The following EBF2 variants were observed in gnomAD, a reference collection of about 807,000 sequenced individuals.
The protein encoded by EBF2 is EBF transcription factor 2.
EBF2 carries 21 observed loss-of-function variants against 72.8 expected under a neutral mutation model. The ratio of observed to expected loss-of-function variants is 0.29; its 90% confidence interval spans 0.20 to 0.42. The LOEUF (loss-of-function observed/expected upper bound fraction) is 0.42. Ranked by LOEUF, EBF2 falls within the 10% of genes least tolerant of loss-of-function variation. The pLI is 1.00. For synonymous variants in EBF2, 299 were observed against 274.2 expected, an observed-to-expected ratio of 1.09 and a Z score of -0.89; for missense variants, 637 against 731.2, an observed-to-expected ratio of 0.87 and a Z score of 1.49.
chr8:25,929,011 C>G (rs1431034712), intron 6 of EBF2, among the ~76,000 whole-genome samples: 1 of 152,088 alleles, frequency 6.6e-6, no homozygotes, highest in Admixed American at 6.5e-5. Flanking sequence ...CACTCAATAA[C>G]CAGGAGTTGT....
At chr8:26,004,396 C>T (rs552576716) in intron 6 of EBF2, among the ~76,000 whole-genome samples, 1 of 152,184 alleles carries the variant, frequency 6.6e-6, no homozygotes, top group Admixed American at 6.5e-5. Context: ...CTAAATAAGT[C>T]TGGCACAGTG....
At chr8:25,848,001 T>C (rs1250621797) in intron 15 of EBF2, among the ~76,000 whole-genome samples, 1 of 152,004 alleles carries the variant, frequency 6.6e-6, no homozygotes, top group Non-Finnish European at 1.5e-5. Context: ...AAACCACCTG[T>C]ACCCCCAAAA....
intron 6 of EBF2, among the ~76,000 whole-genome samples, chr8:25,913,197 C>T (rs528925594): frequency 6.6e-6 from 1 of 152,250 alleles, no homozygotes; most frequent in African/African-American, 2.4e-5. Flanking sequence ...AATCCCAGCA[C>T]TTTGGGAGGC....
chr8:25,907,428 A>AT (rs1244956286), intron 7 of EBF2, among the ~76,000 whole-genome samples: 2 of 135,852 alleles, frequency 1.5e-5, no homozygotes, highest in African/African-American at 6.0e-5. Context: ...TCAAAAAAAA[A>AT]AAAAAAAAAA....
chr8:25,984,936 G>GAA (rs35911115), intron 6 of EBF2, among the ~76,000 whole-genome samples: 5 of 144,132 alleles, frequency 3.5e-5, no homozygotes, highest in East Asian at 4.2e-4. Context: ...CTCAGCTTCT[G>GAA]AAAAAAAAAA....
chr8:25,944,972 G>A lies in EBF2; in HGVS notation c.552-36417C>T, dbSNP rs565006689. ...TTGACAAAGTTGTTTAACCCTCTGG[G>A]CTTTAGATTTTTCAAAAGTAAAACA... is the stretch of plus-strand genomic sequence containing the variant. On this transcript the variant is annotated intron_variant, in intron 6 of 15. Coordinates refer to ENST00000520164, the MANE Select transcript of EBF2 (RefSeq NM_022659.4). Among the ~76,000 whole-genome samples, 150 of 152,052 alleles carry A rather than the reference G, an allele frequency of 9.9e-4. 1 individual carries two copies. Among genetic ancestry groups the A allele is most frequent in the African/African-American group, 3.4e-3 (142 of 41,458 alleles).
At chr8:26,009,345 T>C (rs1804940633) in intron 6 of EBF2, among the ~76,000 whole-genome samples, 1 of 152,190 alleles carries the variant, frequency 6.6e-6, no homozygotes, top group Admixed American at 6.5e-5. Flanking sequence ...AGGGAATTCT[T>C]AAAGCAGATC....
chr8:25,896,490 G>GA (rs796874499), intron 7 of EBF2, among the ~76,000 whole-genome samples: 2 of 152,058 alleles, frequency 1.3e-5, no homozygotes, highest in African/African-American at 2.4e-5. Context: ...CCAAGAGTGG[G>GA]AAAAAAAATT....
At chr8:26,011,632 C>T (rs1001388998) in intron 6 of EBF2, among the ~76,000 whole-genome samples, 2 of 152,042 alleles carry the variant, frequency 1.3e-5, no homozygotes, top group African/African-American at 2.4e-5. Flanking sequence ...AGTAAACTGA[C>T]ACATAAGTAA....
chr8:25,859,465 T>C (rs1802169454), intron 13 of EBF2, among the ~76,000 whole-genome samples: 1 of 152,236 alleles, frequency 6.6e-6, no homozygotes, highest in South Asian at 2.1e-4. Flanking sequence ...TAAAATGTGC[T>C]ATTCTCTGAC....
chr8:26,013,120 T>C (rs1316331349), intron 6 of EBF2, among the ~76,000 whole-genome samples: 11 of 152,186 alleles, frequency 7.2e-5, no homozygotes, highest in African/African-American at 2.7e-4. Context: ...GAGGAGTATC[T>C]CACTAAAGGG....
chr8:25,928,474 C>A (rs967189554), intron 6 of EBF2, among the ~76,000 whole-genome samples: 5 of 152,078 alleles, frequency 3.3e-5, no homozygotes, highest in Non-Finnish European at 7.3e-5. Flanking sequence ...CCCACCTCAG[C>A]ACTAGTCCAT....
At position 25,861,183 on chromosome 8, in the gene EBF2, T is replaced by A. The variant is rs778264588; in HGVS notation, c.1208A>T (p.Tyr403Phe). ...KRAADIAEAL[Y>F]SVPRNPSQLP... is the part of the protein sequence containing the mutation. The stretch of plus-strand genomic sequence containing the variant: ...CTGGCTGGGATTCCTGGGGACGCTG[T>A]AGAGAGCTTCAGCAATGTCTGCGGC... Residue 403 changes from tyrosine to phenylalanine, a missense_variant, in exon 13 of 16, where the codon TAC (tyrosine) becomes TTC (phenylalanine). By Grantham distance (22) the Tyr-to-Phe change is conservative. Transcript: ENST00000520164. 6.2e-7 allele frequency: 1 copy of A among 1,613,940 alleles called. No homozygotes were observed. The highest frequency in any genetic ancestry group is 8.5e-7 in the Non-Finnish European group (1 of 1,179,910).
At chr8:25,890,555 T>A (rs1162420278) in intron 7 of EBF2, among the ~76,000 whole-genome samples, 1 of 152,212 alleles carries the variant, frequency 6.6e-6, no homozygotes, top group African/African-American at 2.4e-5. Context: ...CTTGCAACCA[T>A]GATCAAATTA....
intron 6 of EBF2, among the ~76,000 whole-genome samples, chr8:25,917,037 A>C (rs529620819): frequency 2.0e-5 from 3 of 152,132 alleles, no homozygotes; most frequent in African/African-American, 7.2e-5. Flanking sequence ...TCTGAAGGGA[A>C]TGTCTCCCAT....
intron 6 of EBF2, among the ~76,000 whole-genome samples, chr8:25,974,805 C>T (rs2117192724): frequency 6.6e-6 from 1 of 152,042 alleles, no homozygotes; most frequent in East Asian, 1.9e-4. Flanking sequence ...ATTTTTCTGA[C>T]ATCCTGTGCA....
chr8:26,012,467 A>C (rs1563208333), intron 6 of EBF2, among the ~76,000 whole-genome samples: 1 of 152,150 alleles, frequency 6.6e-6, no homozygotes, highest in Non-Finnish European at 1.5e-5. Flanking sequence ...ATACATACTA[A>C]ATTTATTTCT....
chr8:25,902,005 A>T (rs1483552309), intron 7 of EBF2, among the ~76,000 whole-genome samples: 1 of 152,180 alleles, frequency 6.6e-6, no homozygotes, highest in East Asian at 1.9e-4. Flanking sequence ...ACAGAATTTC[A>T]TCAGTAATAT....
intron 6 of EBF2, among the ~76,000 whole-genome samples, chr8:25,975,241 C>T (rs1408118564): frequency 1.3e-5 from 2 of 152,068 alleles, no homozygotes; most frequent in African/African-American, 2.4e-5. Context: ...ATGAAAGAAA[C>T]GATACATGTT....
Sources: gnomAD v4.1 joint callset for allele counts (sites outside exome capture counted in the v4.1 genomes callset) on GRCh38, gnomAD v4.1.1 for gene constraint, MANE v1.5 for transcripts, NCBI Gene and HGNC (gene_info 2026-07-23, HGNC 2026-07-21) for gene names.